Variants in HECTD4 observed in about 807,000 individuals in gnomAD.
HECTD4 encodes probable E3 ubiquitin-protein ligase HECTD4.
Under a neutral mutation model 471.5 loss-of-function variants are expected in HECTD4, and 114 were observed. The observed-to-expected ratio is 0.24, with a 90% CI of 0.21 to 0.28. The LOEUF is 0.28. Among genes scored for constraint, HECTD4 ranks in the 10% least tolerant of loss-of-function variants. The pLI is 1.00. For missense variants in HECTD4, 3,866 were observed against 5,651.5 expected (o/e 0.68, Z 10.13); for synonymous variants, 2,012 against 2,256.0 (o/e 0.89, Z 3.07).
intron 1 of HECTD4, among the ~76,000 whole-genome samples, chr12:112,367,056 C>T (rs1177552546): frequency 6.6e-6 from 1 of 150,662 alleles, no homozygotes; most frequent in South Asian, 2.1e-4. Context: ...AATCCCAGCA[C>T]TTTGGGAAGC....
chr12:112,277,931 C>G (rs1238784991), intron 9 of HECTD4, among the ~76,000 whole-genome samples: 3 of 152,068 alleles, frequency 2.0e-5, no homozygotes, highest in Non-Finnish European at 1.5e-5. Flanking sequence ...CTAAAAGAAA[C>G]AAGATTTTTA....
chr12:112,246,277 G>C (rs1297055789), intron 29 of HECTD4, among the ~76,000 whole-genome samples: 1 of 152,042 alleles, frequency 6.6e-6, no homozygotes, highest in African/African-American at 2.4e-5. Context: ...GAGGAAAAAA[G>C]TTACAAGATT....
At chr12:112,206,711 T>C (rs939379979) in intron 52 of HECTD4, among the ~76,000 whole-genome samples, 5 of 152,058 alleles carry the variant, frequency 3.3e-5, no homozygotes, top group African/African-American at 1.2e-4. Context: ...TAATTTTTTG[T>C]ATTTTTAGTA....
Position 112,228,698 on chromosome 12 carries a change from C to A in HECTD4, c.6633G>T (p.Ala2211=), listed in dbSNP as rs771195183. ...PPIDCRKTSQ[A]SDTLTIPLSR... ...ACAATGGAATAGTCAATGTGTCTGACGCTTGCGAAGTCTTTCTACAGTCTA... is the reference window on the plus strand; with the variant it reads ...ACAATGGAATAGTCAATGTGTCTGAAGCTTGCGAAGTCTTTCTACAGTCTA... Residue 2211 remains alanine (A), a synonymous_variant, in exon 42 of 76, where the codon GCG becomes GCT. Transcript: ENST00000682272. This position sits in a 1 kb window ranked among gnomAD's most constrained non-coding sequence, Gnocchi z 4.9. 2 of 1,613,408 alleles carry A rather than the reference C, an allele frequency of 1.2e-6. No individual in the cohort carries two copies. The highest frequency in any genetic ancestry group is 1.7e-6 in the Non-Finnish European group (2 of 1,179,732).
intron 1 of HECTD4, among the ~76,000 whole-genome samples, chr12:112,353,091 A>C (rs982313756): frequency 3.3e-5 from 5 of 152,206 alleles, no homozygotes; most frequent in African/African-American, 7.2e-5. Context: ...CCAAAACAGA[A>C]CATCAACTCT....
intron 45 of HECTD4, among the ~76,000 whole-genome samples, chr12:112,218,434 C>A (rs60348583): frequency 0.035 from 5,274 of 152,234 alleles, 204 homozygotes; most frequent in East Asian, 0.21. Context: ...CAGCTCCTGG[C>A]AATCACTAAT....
rs145376994 is a variant in HECTD4 at position 112,219,328 on chromosome 12, CTTACTCAGTGATGTG to C, written c.7074+43_7074+57del. The C allele has an allele frequency of 2.3e-3, 2,869 of 1,258,694 alleles. 32 individuals are homozygous for C. In the African/African-American group the frequency reaches 0.034, roughly 15 times the overall value. 78.0% of individuals were successfully genotyped at this position (1,258,694 alleles called of 1,614,324 possible). ...TAAATGTCCTTAACTTGCTGCTGGC[CTTACTCAGTGATGTG>C]TGTGGAGGCTGCAGGAGGCGCGAAG... On this transcript the variant is annotated intron_variant, in intron 45 of 75. Coordinates refer to ENST00000682272, the MANE Select transcript of HECTD4 (RefSeq NM_001388303.1).
In HECTD4 at chr12:112,184,711, T is replaced by G; in HGVS notation, c.10255A>C (p.Lys3419Gln). The part of the protein sequence containing the change: ...DEGVVRGAIR[K>Q]ACNAHGGVFK... ...ACCCCGCCGTGGGCGTTGCAGGCCTTGCGGATGGCGCCTCTGACTACGCCC... is the reference window on the plus strand; with the variant it reads ...ACCCCGCCGTGGGCGTTGCAGGCCTGGCGGATGGCGCCTCTGACTACGCCC... Residue 3419 changes from lysine to glutamine, a missense_variant, in exon 61 of 76, where the codon AAG becomes CAG. Around this residue, in one of 16 missense-constraint regions of HECTD4, gnomAD observed 71 missense variants for 144.5 expected, o/e 0.49. Coordinates refer to ENST00000682272, the MANE Select transcript of HECTD4 (RefSeq NM_001388303.1). The surrounding 1 kb of genome is among the most constrained non-coding windows in gnomAD (Gnocchi z 9.1). 6.2e-7 allele frequency: 1 copy of G among 1,613,314 alleles called. No homozygotes were observed. The highest frequency in any genetic ancestry group is 8.5e-7 in the Non-Finnish European group (1 of 1,179,492).
chr12:112,341,331 G>A (rs2036051160), intron 1 of HECTD4, among the ~76,000 whole-genome samples: 1 of 152,146 alleles, frequency 6.6e-6, no homozygotes, highest in Admixed American at 6.6e-5. Context: ...TGAGACTTCT[G>A]ACCCTTCACC....
intron 44 of HECTD4, among the ~76,000 whole-genome samples, chr12:112,223,398 T>C (rs1303627083): frequency 2.0e-5 from 3 of 152,178 alleles, no homozygotes; most frequent in Admixed American, 6.5e-5. Flanking sequence ...ATCCAGTTAA[T>C]GTCTCAGGAA....
At chr12:112,202,787 T>C (rs975554644) in intron 54 of HECTD4, among the ~76,000 whole-genome samples, 1 of 152,134 alleles carries the variant, frequency 6.6e-6, no homozygotes, top group African/African-American at 2.4e-5. Context: ...TTGTCCTCTC[T>C]CACTCTGCCC....
rs1348186254 is a variant in HECTD4 at position 112,265,161 on chromosome 12, AC to A, written c.2619+13del. Reference sequence around the variant, plus strand: ...TGATATAATTTTGCTTTCATTAAACACATTTTTACTTACAGGCACAGTTGAA... The same window carrying A: ...TGATATAATTTTGCTTTCATTAAACAATTTTTACTTACAGGCACAGTTGAA... On this transcript the variant is annotated intron_variant, in intron 16 of 75. Coordinates refer to ENST00000682272, the MANE Select transcript of HECTD4 (RefSeq NM_001388303.1). 1.3e-6 allele frequency: 2 copies of A among 1,580,290 alleles called. No homozygotes were observed. The highest frequency in any genetic ancestry group is 1.7e-6 in the Non-Finnish European group (2 of 1,167,408).
intron 21 of HECTD4, 83 bp downstream of exon 21, chr12:112,256,237 T>G: frequency 9.8e-7 from 1 of 1,024,134 alleles, no homozygotes. Context: ...TCAAGAATGG[T>G]GACCAGCAGC....
chr12:112,176,840 A>G (rs2031468171), intron 64 of HECTD4, 138 bp from the exon 65 acceptor site: 1 of 674,688 alleles, frequency 1.5e-6, no homozygotes, highest in Non-Finnish European at 2.6e-6. Flanking sequence ...GGGGGCGTTC[A>G]AGACCGCCTT....
At chr12:112,211,520 T>A (rs555282202) in intron 49 of HECTD4, among the ~76,000 whole-genome samples, 169 of 148,802 alleles carry the variant, frequency 1.1e-3, no homozygotes, top group Middle Eastern at 3.5e-3. Context: ...CTTAGAGATG[T>A]CCTGAAGGGG....
At chr12:112,189,977 C>A (rs968023227) in intron 60 of HECTD4, among the ~76,000 whole-genome samples, 1 of 152,182 alleles carries the variant, frequency 6.6e-6, no homozygotes, top group Non-Finnish European at 1.5e-5. Context: ...GGTCTCCATA[C>A]TCCTGACCTC....
At position 112,246,950 on chromosome 12, in the gene HECTD4, G is replaced by T. The variant is rs373765297; in HGVS notation, c.4464C>A (p.Ala1488=). Reference sequence around the variant, plus strand: ...AGATGCTTCTCGTGAGGCCCGACTGGGCTGCGATGGTGACATGCAGCAACA... The same window carrying T: ...AGATGCTTCTCGTGAGGCCCGACTGTGCTGCGATGGTGACATGCAGCAACA... ...AELLLHVTIA[A]QSGLTRSISG... The change falls in exon 29 of 76, where the codon GCC becomes GCA. Residue 1488 remains alanine (A), a synonymous_variant. Coordinates refer to ENST00000682272, the MANE Select transcript of HECTD4 (RefSeq NM_001388303.1). 18 of 1,612,046 alleles carry T rather than the reference G, an allele frequency of 1.1e-5. No individual in the cohort carries two copies. The African/African-American group carries it at 1.7e-4, about 16-fold the overall frequency.
In HECTD4 at chr12:112,258,934, A is replaced by C. The variant is rs532175386; in HGVS notation, c.3027+178T>G. ...AGTTAGTAATTTAGTCAAACAAATAAAATGTTTTCCCTTATTATTTATTTT... is the reference window on the plus strand; with the variant it reads ...AGTTAGTAATTTAGTCAAACAAATACAATGTTTTCCCTTATTATTTATTTT... On this transcript the variant is annotated intron_variant, in intron 19 of 75. Coordinates refer to ENST00000682272, the MANE Select transcript of HECTD4 (RefSeq NM_001388303.1). 13 of 631,356 alleles carry C rather than the reference A, an allele frequency of 2.1e-5. No homozygotes were observed. The African/African-American group carries it at 2.3e-4, about 11-fold the overall frequency. The allele number at this position is 631,356 out of a possible 1,614,324, so 39.1% of individuals were successfully genotyped here.
At chr12:112,164,057 G>A in intron 73 of HECTD4, 52 bp downstream of exon 73, 1 of 1,372,750 alleles carries the variant, frequency 7.3e-7, no homozygotes, top group Non-Finnish European at 9.5e-7. Context: ...TCATACCCTG[G>A]CTGGCTGGCC....
Sources: gnomAD v4.1 joint callset for allele counts (sites outside exome capture counted in the v4.1 genomes callset) on GRCh38, gnomAD v4.1.1 for gene constraint, gnomAD v4.1.1 regional missense constraint, Gnocchi (gnomAD v3.1) non-coding constraint, MANE v1.5 for transcripts, NCBI Gene and HGNC (gene_info 2026-07-23, HGNC 2026-07-21) for gene names.